Variants in BZW1 observed in about 807,000 individuals in gnomAD.
BZW1 encodes eIF5-mimic protein 2.
In BZW1, 3 loss-of-function variants were observed where a neutral mutation model predicts 54.1. The observed-to-expected ratio is 0.06, with a 90% CI of 0.03 to 0.14. The LOEUF is 0.14. Ranked by LOEUF, BZW1 falls within the 10% of genes least tolerant of loss-of-function variation. The pLI, the probability that BZW1 is intolerant of heterozygous loss-of-function variation, is 1.00. For synonymous variants in BZW1, 152 were observed against 162.7 expected, an observed-to-expected ratio of 0.93 and a Z score of 0.50; for missense variants, 206 against 491.7, an observed-to-expected ratio of 0.42 and a Z score of 5.50.
At chr2:200,812,020 CG>C (rs1200477344) in intron 1 of BZW1, 30 bp downstream of exon 1, 1 of 378,966 alleles carries the variant, frequency 2.6e-6, no homozygotes, top group Non-Finnish European at 4.6e-6. Flanking sequence ...TCACCCCGGG[CG>C]GACGCTGCGG....
At position 200,825,738 on chromosome 2, in the gene BZW1, C is replaced by CT. The variant is rs1472621595; in HGVS notation, c.*3561dup. The CT allele has an allele frequency of 6.6e-6, 1 of 152,204 alleles. No individual in the cohort carries two copies. Among genetic ancestry groups the CT allele is most frequent in the Non-Finnish European group, 1.5e-5 (1 of 68,044 alleles). The allele number at this position is 152,204 out of a possible 1,614,324, so 9.4% of individuals were successfully genotyped here. A position where few individuals can be genotyped will look rare whatever the true frequency, so the allele number is the denominator to read the frequency against. On this transcript the variant is annotated 3_prime_UTR_variant, in exon 12 of 12. Transcript: ENST00000409600. Reference sequence around the variant, plus strand: ...ATGAATTAAAGTTGTAGGCATAACACTGATAAACCTCTGCTCTCATACTGA... The same window carrying CT: ...ATGAATTAAAGTTGTAGGCATAACACTTGATAAACCTCTGCTCTCATACTGA...
In BZW1 at chr2:200,813,288, A is replaced by T. The variant is rs371804730; in HGVS notation, c.64+7A>T. The T allele has an allele frequency of 3.5e-5, 57 of 1,610,056 alleles. No homozygotes were observed. Among genetic ancestry groups the T allele is most frequent in the Non-Finnish European group, 4.5e-5 (53 of 1,177,072 alleles). On this transcript the variant is annotated splice_region_variant and intron_variant, in intron 2 of 11. Transcript: ENST00000409600. ...TTTAAAACTAGAAAAAGAGGTAAATATTTACGTTTTAATGTCTCTCTTCAA... is the reference window on the plus strand; with the variant it reads ...TTTAAAACTAGAAAAAGAGGTAAATTTTTACGTTTTAATGTCTCTCTTCAA...
chr2:200,818,970 T>C, intron 9 of BZW1, 69 bp downstream of exon 9: 1 of 1,483,038 alleles, frequency 6.7e-7, no homozygotes, highest in Non-Finnish European at 8.9e-7. Flanking sequence ...ACTGTGACTA[T>C]ATTTTTCTAA....
At chr2:200,812,354 C>G (rs1242389008) in intron 1 of BZW1, 2 of 1,277,088 alleles carry the variant, frequency 1.6e-6, no homozygotes, top group African/African-American at 1.5e-5. Flanking sequence ...GGGCTGCCAC[C>G]CACCACCGCT....
Position 200,819,969 on chromosome 2 carries a change from G to A in BZW1, c.967-13G>A, listed in dbSNP as rs866060946. 3 of 1,485,014 alleles carry A rather than the reference G, an allele frequency of 2.0e-6. No homozygotes were observed. Among genetic ancestry groups the A allele is most frequent in the African/African-American group, 2.9e-5 (2 of 70,136 alleles). The allele number at this position is 1,485,014 out of a possible 1,614,324, so 92.0% of individuals were successfully genotyped here. A position where few individuals can be genotyped will look rare whatever the true frequency, so the allele number is the denominator to read the frequency against. On this transcript the variant is annotated splice_polypyrimidine_tract_variant and intron_variant, in intron 9 of 11. Coordinates refer to ENST00000409600, the MANE Select transcript of BZW1 (RefSeq NM_001207067.2). ...TAATGAATGACTAAATCTTTTCTCT[G>A]TTCCTTTAAAAGCAATACAGCCCTC...
Position 200,811,997 on chromosome 2 carries a change from C to A in BZW1, c.-11+7C>A. ...CCTCTTCGCCTTAAATTCGGTGAGA[C>A]GCGGCGCCCCGCTCACCCCGGGCGG... On this transcript the variant is annotated splice_region_variant and intron_variant, in intron 1 of 11. Transcript: ENST00000409600. The A allele has an allele frequency of 2.7e-6, 1 of 374,012 alleles. No homozygotes were observed. The allele number at this position is 374,012 out of a possible 1,614,324, so 23.2% of individuals were successfully genotyped here. A position where few individuals can be genotyped will look rare whatever the true frequency, so the allele number is the denominator to read the frequency against.
Position 200,817,082 on chromosome 2 carries a change from C to T in BZW1, c.403-24C>T, listed in dbSNP as rs201593871. The T allele has an allele frequency of 1.3e-3, 2,114 of 1,610,508 alleles. 2 individuals are homozygous for T. Among genetic ancestry groups the T allele is most frequent in the Middle Eastern group, 1.9e-3 (11 of 5,658 alleles). The stretch of plus-strand genomic sequence containing the variant: ...ATTGTAATGCAGTTGCTGTTTTAAC[C>T]CTTAATTGTTTTACTTTTTACAGCT... On this transcript the variant is annotated intron_variant, in intron 5 of 11. Coordinates refer to ENST00000409600, the MANE Select transcript of BZW1 (RefSeq NM_001207067.2).
In BZW1 at chr2:200,815,661, C is replaced by T; in HGVS notation, c.242-6C>T. The T allele has an allele frequency of 6.3e-7, 1 of 1,590,074 alleles. No homozygotes were observed. Among genetic ancestry groups the T allele is most frequent in the Non-Finnish European group, 8.6e-7 (1 of 1,167,488 alleles). On this transcript the variant is annotated splice_polypyrimidine_tract_variant and splice_region_variant and intron_variant, in intron 3 of 11. Coordinates refer to ENST00000409600, the MANE Select transcript of BZW1 (RefSeq NM_001207067.2). Reference sequence around the variant, plus strand: ...TTTGTTGTATTTTGGTTTTATCCAACTTTAGCCCCAGGTGGTACACTGGCA... The same window carrying T: ...TTTGTTGTATTTTGGTTTTATCCAATTTTAGCCCCAGGTGGTACACTGGCA...
chr2:200,812,461 C>T (rs1485894490), intron 1 of BZW1: 2 of 1,338,864 alleles, frequency 1.5e-6, no homozygotes, highest in African/African-American at 1.5e-5. Flanking sequence ...CTGTGGTCCG[C>T]TCGTTGCGGC....
intron 1 of BZW1, chr2:200,812,716 G>A: frequency 1.2e-6 from 1 of 808,288 alleles, no homozygotes; most frequent in Non-Finnish European, 2.1e-6. Context: ...CCGCTGTTGC[G>A]GTCACAGGCA....
At position 200,812,430 on chromosome 2, in the gene BZW1, C is replaced by T. The variant is rs1429475226; in HGVS notation, c.-11+440C>T. ...CGGATGTACGGGGCGCCTGGGGCCC[C>T]GGCGCAAAGCGCCTCAGTGACTGTG... is the stretch of plus-strand genomic sequence containing the variant. On this transcript the variant is annotated intron_variant, in intron 1 of 11. Coordinates refer to ENST00000409600, the MANE Select transcript of BZW1 (RefSeq NM_001207067.2). 1 of 1,286,994 alleles carries T rather than the reference C, an allele frequency of 7.8e-7. No individual in the cohort carries two copies. The highest frequency in any genetic ancestry group is 9.8e-7 in the Non-Finnish European group (1 of 1,016,736). 79.7% of individuals were successfully genotyped at this position (1,286,994 alleles called of 1,614,324 possible). A position where few individuals can be genotyped will look rare whatever the true frequency, so the allele number is the denominator to read the frequency against.
intron 6 of BZW1, 120 bp from the exon 7 acceptor site, chr2:200,817,854 A>T (rs2038350257): frequency 1.5e-6 from 1 of 676,614 alleles, no homozygotes; most frequent in Non-Finnish European, 2.4e-6. Flanking sequence ...GTTCAGGGTT[A>T]AGTTTGTGAG....
chr2:200,811,686 A>G (rs1425776907), upstream of BZW1: 6 of 152,390 alleles, frequency 3.9e-5, no homozygotes, highest in African/African-American at 7.2e-5. Flanking sequence ...GGGAAGAAAA[A>G]TAAGCTAGTC....
rs2038287669 is a variant in BZW1 at position 200,816,320 on chromosome 2, C to T, written c.337-5C>T. 6.3e-7 allele frequency: 1 copy of T among 1,577,198 alleles called. No individual in the cohort carries two copies. Among genetic ancestry groups the T allele is most frequent in the African/African-American group, 1.3e-5 (1 of 74,116 alleles). The stretch of plus-strand genomic sequence containing the variant: ...GTTACTGAATTCATTTAATGTTCTT[C>T]ATAGGTTTTTAACAAGTTAATCAGG... On this transcript the variant is annotated splice_polypyrimidine_tract_variant and splice_region_variant and intron_variant, in intron 4 of 11. Transcript: ENST00000409600.
intron 9 of BZW1, 93 bp from the exon 10 acceptor site, chr2:200,819,889 G>A: frequency 8.9e-7 from 1 of 1,125,588 alleles, no homozygotes; most frequent in Non-Finnish European, 1.2e-6. Flanking sequence ...TATAAAAGAT[G>A]AGTTAAGTTC....
intron 4 of BZW1, 89 bp downstream of exon 4, chr2:200,815,850 G>C (rs769394857): frequency 2.4e-6 from 3 of 1,245,914 alleles, no homozygotes; most frequent in Non-Finnish European, 3.3e-6. Context: ...GTTGTGGTTA[G>C]AAAGTTGAAG....
chr2:200,826,397 A>ATAGATAGATAGATAGATAGG lies in BZW1; in HGVS notation c.*4229_*4230insGATAGATAGGTAGATAGATA, dbSNP rs2038694518. The ATAGATAGATAGATAGATAGG allele has an allele frequency of 1.6e-5, 1 of 63,340 alleles. No individual in the cohort carries two copies. The highest frequency in any genetic ancestry group is 5.4e-5 in the African/African-American group (1 of 18,450). 3.9% of individuals were successfully genotyped at this position (63,340 alleles called of 1,614,324 possible). ...TATAGATAGATAGATAGATAGATAG[A>ATAGATAGATAGATAGATAGG]TAGATAGATATTTTTTTTTTTTTTT... On this transcript the variant is annotated 3_prime_UTR_variant, in exon 12 of 12. Transcript: ENST00000409600.
chr2:200,816,192 A>G (rs2105867783), intron 4 of BZW1, 133 bp from the exon 5 acceptor site: 1 of 545,850 alleles, frequency 1.8e-6, no homozygotes. Context: ...TAACCTGGAC[A>G]TTCTTATGTG....
chr2:200,813,334 A>G (rs1429251309), intron 2 of BZW1, 53 bp downstream of exon 2: 6 of 1,497,800 alleles, frequency 4.0e-6, no homozygotes, highest in Non-Finnish European at 4.6e-6. Flanking sequence ...CATCTTGTGT[A>G]TCTTGCCTTC....
Sources: allele counts gnomAD v4.1 joint callset, GRCh38; gene constraint gnomAD v4.1.1; transcripts MANE v1.5; gene names NCBI Gene and HGNC (gene_info 2026-07-23, HGNC 2026-07-21).